Variants in OSBPL1A observed in about 807,000 individuals in gnomAD.
OSBPL1A encodes oxysterol binding protein like 1A.
Under a neutral mutation model 137.1 loss-of-function variants are expected in OSBPL1A, and 80 were observed. That is an observed-to-expected ratio of 0.58 (90% CI 0.49 to 0.70). The LOEUF (loss-of-function observed/expected upper bound fraction) is 0.70. Among genes scored for constraint, OSBPL1A ranks in the 30% least tolerant of loss-of-function variants. The probability of loss-of-function intolerance (pLI) is 0.00; values close to 1 mark genes in which losing one functional copy is unlikely to be tolerated. For synonymous variants in OSBPL1A, 365 were observed against 389.7 expected (o/e 0.94, Z 0.75); for missense variants, 970 against 1,129.4 (o/e 0.86, Z 2.02).
chr18:24,369,033 G>A (rs1238193349), intron 2 of OSBPL1A, among the ~76,000 whole-genome samples: 1 of 152,086 alleles, frequency 6.6e-6, no homozygotes, highest in African/African-American at 2.4e-5. Context: ...CAAGCTTCCT[G>A]GTAAGCCTGA....
At chr18:24,279,439 T>C (rs1337406813) in intron 15 of OSBPL1A, among the ~76,000 whole-genome samples, 1 of 151,360 alleles carries the variant, frequency 6.6e-6, no homozygotes, top group Admixed American at 6.6e-5. Context: ...AAAAAAAAAA[T>C]TGTATATGAA....
At chr18:24,224,311 CAATTACCATT>C in intron 17 of OSBPL1A, among the ~76,000 whole-genome samples, 1 of 152,124 alleles carries the variant, frequency 6.6e-6, no homozygotes. Flanking sequence ...TATTTTCCAG[CAATTACCATT>C]AATAACTCCT....
intron 18 of OSBPL1A, among the ~76,000 whole-genome samples, chr18:24,195,584 CTG>C (rs1160582481): frequency 6.6e-6 from 1 of 152,194 alleles, no homozygotes; most frequent in Non-Finnish European, 1.5e-5. Context: ...GAATCCTAGC[CTG>C]ACTGACATCA....
At chr18:24,329,158 G>A (rs1412417723) in intron 7 of OSBPL1A, among the ~76,000 whole-genome samples, 1 of 151,924 alleles carries the variant, frequency 6.6e-6, no homozygotes, top group African/African-American at 2.4e-5. Context: ...GAGGCAAAAG[G>A]GTCACTTGAG....
At chr18:24,173,508 G>A (rs1197968525) in intron 21 of OSBPL1A, among the ~76,000 whole-genome samples, 3 of 152,172 alleles carry the variant, frequency 2.0e-5, no homozygotes, top group African/African-American at 7.2e-5. Context: ...CACCTCCCGG[G>A]TTCAAGTGAT....
intron 2 of OSBPL1A, among the ~76,000 whole-genome samples, chr18:24,376,029 T>A (rs1906097364): frequency 6.6e-6 from 1 of 152,146 alleles, no homozygotes. Flanking sequence ...TTACAGCTCA[T>A]AAAAGCAGTG....
At chr18:24,307,827 T>C (rs1482120323) in intron 13 of OSBPL1A, among the ~76,000 whole-genome samples, 1 of 152,212 alleles carries the variant, frequency 6.6e-6, no homozygotes, top group Non-Finnish European at 1.5e-5. Flanking sequence ...TATCACCCTA[T>C]TGCCCAGGCT....
chr18:24,196,362 G>C (rs184512679), intron 17 of OSBPL1A, among the ~76,000 whole-genome samples, 162 bp from the exon 18 acceptor site: 1 of 152,322 alleles, frequency 6.6e-6, no homozygotes, highest in Admixed American at 6.5e-5. Context: ...GGTTGCACCT[G>C]TTCACCTATA....
At chr18:24,202,200 CCAGCTGCGTAACCTGGGG>C (rs1279084401) in intron 17 of OSBPL1A, among the ~76,000 whole-genome samples, 3 of 152,142 alleles carry the variant, frequency 2.0e-5, no homozygotes, top group Non-Finnish European at 4.4e-5. Flanking sequence ...TTGCTACCAC[CCAGCTGCGTAACCTGGGG>C]CAAATCTTGC....
At chr18:24,270,165 A>G (rs1463809513) in intron 15 of OSBPL1A, among the ~76,000 whole-genome samples, 1 of 152,268 alleles carries the variant, frequency 6.6e-6, no homozygotes, top group Admixed American at 6.5e-5. Flanking sequence ...AAACAGTCAT[A>G]TATTTGAATG....
At chr18:24,320,307 T>G (rs71360546) in intron 7 of OSBPL1A, among the ~76,000 whole-genome samples, 20,594 of 152,072 alleles carry the variant, frequency 0.14, 1,469 homozygotes, top group Middle Eastern at 0.16. Flanking sequence ...GATGATAAAT[T>G]AATTCTTAAA....
At chr18:24,211,690 G>A (rs1411561770) in intron 17 of OSBPL1A, among the ~76,000 whole-genome samples, 1 of 151,744 alleles carries the variant, frequency 6.6e-6, no homozygotes, top group Admixed American at 6.6e-5. Flanking sequence ...TCGGCCAGGC[G>A]CAGTGTCTCA....
intron 17 of OSBPL1A, among the ~76,000 whole-genome samples, chr18:24,219,690 A>G (rs1217271307): frequency 1.3e-5 from 2 of 152,156 alleles, no homozygotes; most frequent in Admixed American, 1.3e-4. Context: ...AAGCAGTTCT[A>G]AAGAGTCTCA....
intron 18 of OSBPL1A, among the ~76,000 whole-genome samples, chr18:24,192,422 G>A (rs2086910747): frequency 6.6e-6 from 1 of 152,208 alleles, no homozygotes; most frequent in African/African-American, 2.4e-5. Flanking sequence ...GTTCTCAGGA[G>A]CCGGAGATTT....
chr18:24,340,631 C>T (rs1470298997), intron 5 of OSBPL1A, among the ~76,000 whole-genome samples: 1 of 152,134 alleles, frequency 6.6e-6, no homozygotes, highest in Non-Finnish European at 1.5e-5. Context: ...ATGCTGAAAC[C>T]CCGTCTCTAC....
chr18:24,209,627 A>C (rs1434456303), intron 17 of OSBPL1A, among the ~76,000 whole-genome samples: 4 of 152,212 alleles, frequency 2.6e-5, no homozygotes, highest in Admixed American at 1.3e-4. Context: ...TGGAAAAAAA[A>C]CAAATTCCAT....
intron 5 of OSBPL1A, among the ~76,000 whole-genome samples, chr18:24,337,699 C>T (rs34472962): frequency 0.021 from 3,137 of 151,448 alleles, 49 homozygotes; most frequent in Non-Finnish European, 0.03. Context: ...AGAATCTAAT[C>T]CAGGATGGGA....
At chr18:24,169,177 A>C (rs1159605970) in intron 24 of OSBPL1A, among the ~76,000 whole-genome samples, 1 of 152,230 alleles carries the variant, frequency 6.6e-6, no homozygotes, top group Non-Finnish European at 1.5e-5. Flanking sequence ...AGAAAGAAAG[A>C]AACAGTCCCA....
At chr18:24,300,333 C>G (rs2090374600) in intron 14 of OSBPL1A, among the ~76,000 whole-genome samples, 1 of 152,144 alleles carries the variant, frequency 6.6e-6, no homozygotes, top group Non-Finnish European at 1.5e-5. Flanking sequence ...TAGGCTGTGG[C>G]CAGACTATGA....
Sources: allele counts gnomAD v4.1 joint callset (sites outside exome capture counted in the v4.1 genomes callset), GRCh38; gene constraint gnomAD v4.1.1; transcripts MANE v1.5; gene names NCBI Gene and HGNC (gene_info 2026-07-23, HGNC 2026-07-21).